The following NEB variants were observed in gnomAD, a reference collection of about 807,000 sequenced individuals.
NEB encodes nemaline myopathy type 2.
In NEB, 512 loss-of-function variants were observed where a neutral mutation model predicts 952.2. The ratio of observed to expected loss-of-function variants is 0.54; its 90% CI spans 0.50 to 0.58. The LOEUF (loss-of-function observed/expected upper bound fraction) is 0.58. NEB is among the 20% of genes least tolerant of loss of function. The pLI is 0.00. For synonymous variants in NEB, 2,900 were observed against 3,149.8 expected (o/e 0.92, Z 2.66); for missense variants, 8,428 against 9,231.1 (o/e 0.91, Z 3.56).
Position 151,526,509 on chromosome 2 carries a change from G to A in NEB, c.21946-247C>T, listed in dbSNP as rs541739087. 1.8e-4 allele frequency among the ~76,000 whole-genome samples: 27 copies of A among 152,206 alleles called. No homozygotes were observed. In the South Asian group the frequency reaches 5.4e-3, roughly 30 times the overall value. ...ATAGTCACACTTACGTTCACAGCACGCTCAGATATGCCATTTGTCCCTCCC... is the reference window on the plus strand; with the variant it reads ...ATAGTCACACTTACGTTCACAGCACACTCAGATATGCCATTTGTCCCTCCC... On this transcript the variant is annotated intron_variant, in intron 148 of 181. Coordinates refer to ENST00000397345, the MANE Select transcript of NEB (RefSeq NM_001164508.2).
intron 56 of NEB, 129 bp from the exon 57 acceptor site, chr2:151,644,258 A>T: frequency 7.5e-7 from 1 of 1,330,852 alleles, no homozygotes; most frequent in Non-Finnish European, 1.0e-6. Context: ...CAGTCTTTTG[A>T]TAAGAAAGAT....
chr2:151,631,405 A>ATTG, intron 65 of NEB, 59 bp from the exon 66 acceptor site: 1 of 1,523,148 alleles, frequency 6.6e-7, no homozygotes, highest in Non-Finnish European at 9.0e-7. Flanking sequence ...TAGGGTAAAT[A>ATTG]TGCAAATAGA....
At chr2:151,502,647 TACTA>T (rs1468251547) in intron 167 of NEB, 142 bp downstream of exon 167, 1 of 632,740 alleles carries the variant, frequency 1.6e-6, no homozygotes, top group East Asian at 2.8e-5. Flanking sequence ...CAGAACTAAA[TACTA>T]AATTAGATTT....
At chr2:151,723,750 GTTTTTTTTT>G (rs11308757) in intron 8 of NEB, among the ~76,000 whole-genome samples, 11 of 51,366 alleles carry the variant, frequency 2.1e-4, no homozygotes, top group Non-Finnish European at 3.3e-4. Flanking sequence ...TGCCTTCTTT[GTTTTTTTTT>G]TTTTTTTTTT....
intron 24 of NEB, chr2:151,689,586 T>C (rs1209327007): frequency 2.6e-5 from 4 of 152,190 alleles, no homozygotes; most frequent in Non-Finnish European, 5.9e-5. Context: ...GAAGGGAGTG[T>C]AAAGAACGGA....
At chr2:151,526,099 C>T in intron 149 of NEB, 31 bp from the exon 150 acceptor site, 1 of 1,611,910 alleles carries the variant, frequency 6.2e-7, no homozygotes, top group African/African-American at 1.3e-5. Flanking sequence ...CTCATTAAGG[C>T]ATCTGCCTGG....
In NEB at chr2:151,563,811, G is replaced by C; in HGVS notation, c.18579+12C>G. ...GACTCTCAAACTTAGGAGAGGAAAA[G>C]GTCATACTGACCTCACTGTTCACCA... On this transcript the variant is annotated intron_variant, in intron 118 of 181. Coordinates refer to ENST00000397345, the MANE Select transcript of NEB (RefSeq NM_001164508.2). 1 of 1,612,426 alleles carries C rather than the reference G, an allele frequency of 6.2e-7. No individual in the cohort carries two copies. Among genetic ancestry groups the C allele is most frequent in the Non-Finnish European group, 8.5e-7 (1 of 1,178,676 alleles).
chr2:151,547,409 G>A lies in NEB; in HGVS notation c.20367+20C>T, dbSNP rs2094850847. 1 of 1,550,618 alleles carries A rather than the reference G, an allele frequency of 6.4e-7. No homozygotes were observed. The highest frequency in any genetic ancestry group is 8.8e-7 in the Non-Finnish European group (1 of 1,137,576). ...CGTCTTGGTAAGACTACTCCAGAAA[G>A]ACCCCTACGAGATGCTTACATCACT... On this transcript the variant is annotated intron_variant, in intron 133 of 181. Coordinates refer to ENST00000397345, the MANE Select transcript of NEB (RefSeq NM_001164508.2).
rs1007198926 is a variant in NEB, at chr2:151,663,940, C to T, written c.5452-81G>A. The T allele has an allele frequency of 1.6e-5, 22 of 1,409,618 alleles. No homozygotes were observed. In the African/African-American group the frequency reaches 2.9e-4, roughly 18 times the overall value. The allele number at this position is 1,409,618 out of a possible 1,614,324, so 87.3% of individuals were successfully genotyped here. A position where few individuals can be genotyped will look rare whatever the true frequency, so the allele number is the denominator to read the frequency against. On this transcript the variant is annotated intron_variant, in intron 44 of 181. Coordinates refer to ENST00000397345, the MANE Select transcript of NEB (RefSeq NM_001164508.2). The stretch of plus-strand genomic sequence containing the variant: ...ATTTGCTAGGTGATGTGAGCTTTGT[C>T]TTAGATGAAGGGTTTTAGAGCTACT...
rs192975308 is a variant in NEB at position 151,664,939 on chromosome 2, A to G, written c.5239-76T>C. On this transcript the variant is annotated intron_variant, in intron 42 of 181. Transcript: ENST00000397345. ...CAATGCTAGCAAGAGGAAGAGATTT[A>G]CAACTCCATGGTAAAAGAGGTTAAA... 4.9e-4 allele frequency: 511 copies of G among 1,052,104 alleles called. 3 individuals carry two copies. In the African/African-American group the frequency reaches 6.6e-3, roughly 14 times the overall value. The allele number at this position is 1,052,104 out of a possible 1,614,324, so 65.2% of individuals were successfully genotyped here. A position where few individuals can be genotyped will look rare whatever the true frequency, so the allele number is the denominator to read the frequency against.
At chr2:151,503,524 G>A in intron 165 of NEB, 83 bp from the exon 166 acceptor site, 1 of 873,190 alleles carries the variant, frequency 1.1e-6, no homozygotes, top group Non-Finnish European at 1.9e-6. Flanking sequence ...CTATTTGGGG[G>A]AAACTCATAA....
intron 10 of NEB, among the ~76,000 whole-genome samples, chr2:151,712,741 G>A (rs1315399279): frequency 2.0e-5 from 3 of 152,122 alleles, no homozygotes; most frequent in Non-Finnish European, 4.4e-5. Context: ...AGAGAGGTAT[G>A]TGTCCATGTG....
At chr2:151,639,487 G>A (rs2098820547) in intron 62 of NEB, 103 bp from the exon 63 acceptor site, 1 of 855,448 alleles carries the variant, frequency 1.2e-6, no homozygotes, top group Non-Finnish European at 1.7e-6. Flanking sequence ...AAAAGGTTAT[G>A]TGTTTTATAC....
chr2:151,664,788 A>G lies in NEB; in HGVS notation c.5314T>C (p.Ser1772Pro). The change falls in exon 43 of 182, where the codon TCC becomes CCC. Residue 1772 changes from serine to proline, a missense_variant. Physicochemically the swap from Ser to Pro is moderately conservative, Grantham distance 74 (BLOSUM62 -1). Around this residue, in one of 11 missense-constraint regions of NEB, gnomAD observed 2,851 missense variants for 2,791.5 expected, o/e 1.02. Transcript: ENST00000397345. ...CTCATGGTGATTTGGTTTACTCTGG[A>G]GAGTAAAATATCCGGTGTGTCAGGC... ...VMPDTPDILL[S>P]RVNQITMSDK... 1 of 1,612,494 alleles carries G rather than the reference A, an allele frequency of 6.2e-7. No individual in the cohort carries two copies. Among genetic ancestry groups the G allele is most frequent in the Non-Finnish European group, 8.5e-7 (1 of 1,179,030 alleles).
intron 106 of NEB, 138 bp from the exon 107 acceptor site, chr2:151,575,937 C>T (rs985842411): frequency 1.8e-5 from 14 of 774,992 alleles, no homozygotes; most frequent in Admixed American, 7.3e-5. Flanking sequence ...AATCTTTTCA[C>T]GTAAGTTACT....
intron 135 of NEB, among the ~76,000 whole-genome samples, chr2:151,543,527 C>T (rs1279175270): frequency 6.6e-6 from 1 of 152,208 alleles, no homozygotes; most frequent in Non-Finnish European, 1.5e-5. Context: ...TTTAGTCCAA[C>T]TCTTCAGTTT....
chr2:151,550,740 G>A (rs1007648425), intron 129 of NEB, among the ~76,000 whole-genome samples: 11 of 152,092 alleles, frequency 7.2e-5, no homozygotes, highest in Admixed American at 2.0e-4. Context: ...CTGGGCTGAG[G>A]TAATCTTTTC....
chr2:151,651,909 C>A (rs1575159368), intron 52 of NEB, among the ~76,000 whole-genome samples: 1 of 152,240 alleles, frequency 6.6e-6, no homozygotes, highest in East Asian at 1.9e-4. Context: ...TCTGACCTGA[C>A]CTTCCGTATC....
Position 151,549,744 on chromosome 2 carries a change from C to A in NEB, c.19945-4G>T. 1 of 1,553,716 alleles carries A rather than the reference C, an allele frequency of 6.4e-7. No homozygotes were observed. Among genetic ancestry groups the A allele is most frequent in the Non-Finnish European group, 8.8e-7 (1 of 1,140,674 alleles). On this transcript the variant is annotated splice_polypyrimidine_tract_variant and splice_region_variant and intron_variant, in intron 129 of 181. Transcript: ENST00000397345. ...GCAGGCTGGTTTTGTATAGATTCTG[C>A]AGGAATGAGGAAGAGCAGGTTAAAT...
Sources: allele counts gnomAD v4.1 joint callset (sites outside exome capture counted in the v4.1 genomes callset), GRCh38; gene constraint gnomAD v4.1.1; regional missense constraint gnomAD v4.1.1; transcripts MANE v1.5; gene names NCBI Gene and HGNC (gene_info 2026-07-23, HGNC 2026-07-21).